Variants in DOK7 observed in about 807,000 individuals in gnomAD.
DOK7 encodes the protein protein Dok-7.
In DOK7, 32 loss-of-function variants were observed where a neutral mutation model predicts 30.7. The ratio of observed to expected loss-of-function variants is 1.04; its 90% CI spans 0.79 to 1.40. The LOEUF (loss-of-function observed/expected upper bound fraction) is 1.40, where lower values mean the gene tolerates loss of function less well. DOK7 is among the 40% of genes most tolerant of loss of function. The pLI is 0.00. For synonymous variants in DOK7, 447 were observed against 324.1 expected, an observed-to-expected ratio of 1.38 and a Z score of -4.07; for missense variants, 1,007 against 699.2, an observed-to-expected ratio of 1.44 and a Z score of -4.97.
At chr4:3,497,337 G>A (rs940355297), downstream of DOK7, among the ~76,000 whole-genome samples, 4 of 152,110 alleles carry the variant, frequency 2.6e-5, no homozygotes, top group Admixed American at 2.6e-4. Flanking sequence ...GGCTGGGCTG[G>A]TGGTGAGCGA....
At chr4:3,490,419 G>GTCTTCA (rs1728229784) in intron 6 of DOK7, among the ~76,000 whole-genome samples, 1 of 7,850 alleles carries the variant, frequency 1.3e-4, no homozygotes, top group Admixed American at 1.4e-3. Flanking sequence ...CCCCCCCACC[G>GTCTTCA]CCCCGCTCAT....
chr4:3,476,276 CCACCCGCCCGTGATG>C (rs1727076507), intron 3 of DOK7, 51 bp from the exon 4 acceptor site: 2 of 1,139,106 alleles, frequency 1.8e-6, no homozygotes, highest in African/African-American at 2.3e-5. Context: ...CCCTCTCACC[CCACCCGCCCGTGATG>C]TCCTCTCACC....
chr4:3,499,066 G>A (rs1424744484), downstream of DOK7, among the ~76,000 whole-genome samples: 4 of 152,232 alleles, frequency 2.6e-5, no homozygotes, highest in Non-Finnish European at 5.9e-5. Flanking sequence ...GGTGAGAGGA[G>A]CCAGGCAGAG....
At chr4:3,496,797 G>A (rs747703539), downstream of DOK7, 215 of 1,535,948 alleles carry the variant, frequency 1.4e-4, no homozygotes, top group Non-Finnish European at 1.8e-4. Flanking sequence ...AGGATGCACT[G>A]ACCCAGGTTC....
rs887671134 is a variant in DOK7, at chr4:3,493,823, C to A, written c.*322C>A. On this transcript the variant is annotated 3_prime_UTR_variant, in exon 7 of 7. Transcript: ENST00000340083. ...TGCACCTCTGTTGGCTCGTGCCTTG[C>A]ACTGGGGTGCCAAGGGCTGGAGGCC... is the stretch of plus-strand genomic sequence containing the variant. The A allele has an allele frequency of 8.1e-7, 1 of 1,240,326 alleles. No homozygotes were observed. The highest frequency in any genetic ancestry group is 3.9e-5 in the East Asian group (1 of 25,872). 76.8% of individuals were successfully genotyped at this position (1,240,326 alleles called of 1,614,324 possible). A position where few individuals can be genotyped will look rare whatever the true frequency, so the allele number is the denominator to read the frequency against.
chr4:3,469,003 TGC>T (rs1255700528), intron 2 of DOK7, among the ~76,000 whole-genome samples: 55 of 150,834 alleles, frequency 3.6e-4, no homozygotes, highest in African/African-American at 1.3e-3. Context: ...TGTGTGAGTG[TGC>T]GTGTATGAGT....
At chr4:3,473,349 C>A in intron 2 of DOK7, 57 bp from the exon 3 acceptor site, 8 of 1,579,622 alleles carry the variant, frequency 5.1e-6, no homozygotes, top group Non-Finnish European at 6.9e-6. Flanking sequence ...CCCGGGGACG[C>A]CAAGGGTGCG....
intron 4 of DOK7, among the ~76,000 whole-genome samples, chr4:3,482,283 A>G (rs1184608661): frequency 6.6e-6 from 1 of 152,188 alleles, no homozygotes; most frequent in South Asian, 2.1e-4. Flanking sequence ...CAGTGAGGAC[A>G]GCTCATCTCT....
intron 2 of DOK7, among the ~76,000 whole-genome samples, chr4:3,468,824 GGA>G (rs1441003413): frequency 4.1e-5 from 6 of 145,642 alleles, no homozygotes; most frequent in Admixed American, 1.4e-4. Flanking sequence ...GTGTATGCAT[GGA>G]GTGTGTGTGT....
At chr4:3,489,948 T>TC in intron 6 of DOK7, 152 bp downstream of exon 6, 1 of 1,239,280 alleles carries the variant, frequency 8.1e-7, no homozygotes, top group African/African-American at 1.7e-5. Context: ...TTCCCCCAAC[T>TC]CCCCGCCCCG....
At chr4:3,499,915 G>C (rs199612030) in intron 6 of DOK7, among the ~76,000 whole-genome samples, 3 of 151,926 alleles carry the variant, frequency 2.0e-5, no homozygotes, top group Non-Finnish European at 4.4e-5. Flanking sequence ...GGGAAGGTGC[G>C]GGGCGAGGGG....
chr4:3,488,750 T>C (rs764309936), intron 5 of DOK7, among the ~76,000 whole-genome samples: 1 of 151,724 alleles, frequency 6.6e-6, no homozygotes, highest in Non-Finnish European at 1.5e-5. Flanking sequence ...GGAGGCCACT[T>C]GGAGCAGGAC....
downstream of DOK7, chr4:3,496,881 T>TC (rs1180315750): frequency 1.5e-6 from 2 of 1,372,854 alleles, no homozygotes; most frequent in Non-Finnish European, 1.9e-6. Context: ...CTGGAGCCAG[T>TC]CCCCCAGAGC....
chr4:3,489,762 C>A lies in DOK7; in HGVS notation c.738C>A (p.Ser246Arg). 1 of 1,572,700 alleles carries A rather than the reference C, an allele frequency of 6.4e-7. No homozygotes were observed. The highest frequency in any genetic ancestry group is 2.3e-5 in the East Asian group (1 of 42,740). ...CCCTACAGCTGGAGAAGCGGCTGAGCCTCCTCTCACATGCGGGCAGGCCGG... is the reference window on the plus strand; with the variant it reads ...CCCTACAGCTGGAGAAGCGGCTGAGACTCCTCTCACATGCGGGCAGGCCGG... The part of the protein sequence containing the change: ...LETLQLEKRL[S>R]LLSHAGRPGS... Residue 246 changes from serine (S) to arginine (R), a missense_variant, in exon 6 of 7, where the codon AGC becomes AGA. By Grantham distance (110) the Ser-to-Arg change is moderately radical (BLOSUM62 -1). Coordinates refer to ENST00000340083, the MANE Select transcript of DOK7 (RefSeq NM_173660.5).
At position 3,493,560 on chromosome 4, in the gene DOK7, G is replaced by A. The variant is rs190088769; in HGVS notation, c.*59G>A. On this transcript the variant is annotated 3_prime_UTR_variant, in exon 7 of 7. Transcript: ENST00000340083. ...GCTGAATTTGCCCCCAGATGGCAGA[G>A]GAAGTGGCGCCAGCCTCCTTGCAGA... is the stretch of plus-strand genomic sequence containing the variant. 8.0e-5 allele frequency: 126 copies of A among 1,580,208 alleles called. No homozygotes were observed. The highest frequency in any genetic ancestry group is 1.0e-4 in the Non-Finnish European group (121 of 1,163,042).
intron 6 of DOK7, among the ~76,000 whole-genome samples, chr4:3,491,439 T>TTCC (rs1728434432): frequency 1.7e-5 from 2 of 120,018 alleles, no homozygotes; most frequent in Non-Finnish European, 3.9e-5. Context: ...TGCTCATTCA[T>TTCC]TTCTTTCTTC....
At chr4:3,475,988 G>A (rs73080926) in intron 3 of DOK7, among the ~76,000 whole-genome samples, 1 of 152,012 alleles carries the variant, frequency 6.6e-6, no homozygotes, top group African/African-American at 2.4e-5. Flanking sequence ...AGTGCCATTT[G>A]CTCATCCTGC....
At chr4:3,473,686 C>T (rs775403680) in intron 3 of DOK7, 50 bp downstream of exon 3, 66 of 1,487,682 alleles carry the variant, frequency 4.4e-5, no homozygotes, top group Non-Finnish European at 5.4e-5. Flanking sequence ...TCAGGTGTGC[C>T]GGGGCCCCTC....
At chr4:3,500,273 G>A (rs781250371) in exon 7 of DOK7, 57 of 1,535,758 alleles carry the variant, frequency 3.7e-5, no homozygotes, top group Non-Finnish European at 4.8e-5. Flanking sequence ...CCGTGGCTGT[G>A]GACAGCCCAG....
Sources: allele counts gnomAD v4.1 joint callset (sites outside exome capture counted in the v4.1 genomes callset), GRCh38; gene constraint gnomAD v4.1.1; transcripts MANE v1.5; gene names NCBI Gene and HGNC (gene_info 2026-07-23, HGNC 2026-07-21).